Variants in ZWILCH observed in about 807,000 individuals in gnomAD.
ZWILCH encodes the protein protein zwilch homolog.
A neutral mutation model predicts 79.9 loss-of-function variants in ZWILCH; 74 were observed. The observed-to-expected ratio is 0.93, with a 90% confidence interval of 0.77 to 1.12. The LOEUF (loss-of-function observed/expected upper bound fraction) is 1.12. Ranked by LOEUF, ZWILCH falls within the 50% of genes most tolerant of loss-of-function variation. The pLI, the probability that ZWILCH is intolerant of heterozygous loss-of-function variation, is 0.00. For missense variants in ZWILCH, 694 were observed against 687.5 expected, an observed-to-expected ratio of 1.01 and a Z score of -0.11; for synonymous variants, 241 against 228.2, an observed-to-expected ratio of 1.06 and a Z score of -0.51.
chr15:66,548,396 C>T lies in ZWILCH; in HGVS notation c.*72C>T. 2 of 545,250 alleles carry T rather than the reference C, an allele frequency of 3.7e-6. No homozygotes were observed. The highest frequency in any genetic ancestry group is 6.5e-6 in the Non-Finnish European group (2 of 308,320). The allele number at this position is 545,250 out of a possible 1,614,324, so 33.8% of individuals were successfully genotyped here. On this transcript the variant is annotated 3_prime_UTR_variant, in exon 19 of 19. Coordinates refer to ENST00000307897, the MANE Select transcript of ZWILCH (RefSeq NM_017975.5). ...AGAAAAAAAGGTAATTATTGTAGAA[C>T]CTGAAAACAGCAATGTATGGAAACC... is the stretch of plus-strand genomic sequence containing the variant.
chr15:66,505,470 C>G (rs550621116), intron 1 of ZWILCH, 79 bp downstream of exon 1: 1,397 of 1,540,028 alleles, frequency 9.1e-4, no homozygotes, highest in Non-Finnish European at 1.2e-3. Context: ...CGCCCTAAGC[C>G]TCTTGCCACT....
At chr15:66,529,114 TAAGA>T (rs1894781575) in intron 11 of ZWILCH, among the ~76,000 whole-genome samples, 157 bp downstream of exon 11, 1 of 152,364 alleles carries the variant, frequency 6.6e-6, no homozygotes, top group East Asian at 1.9e-4. Context: ...GCATTCTGCT[TAAGA>T]ATTGTACTAA....
chr15:66,533,834 A>T (rs549502402), intron 14 of ZWILCH, among the ~76,000 whole-genome samples: 3 of 151,998 alleles, frequency 2.0e-5, no homozygotes, highest in Non-Finnish European at 4.4e-5. Flanking sequence ...GTTTAAAAAA[A>T]ATACGCTGGG....
chr15:66,536,038 T>A lies in ZWILCH; in HGVS notation c.1447T>A (p.Ser483Thr). Residue 483 changes from serine to threonine, a missense_variant, in exon 15 of 19, where the codon TCT (serine) becomes ACT (threonine). Ser to Thr is a moderately conservative substitution (Grantham distance 58). Coordinates refer to ENST00000307897, the MANE Select transcript of ZWILCH (RefSeq NM_017975.5). Reference sequence around the variant, plus strand: ...AGTCAGTTGCATGCCTTTCATTAAATCTCAACATGAACTCCTCTTTTCTTT... The same window carrying A: ...AGTCAGTTGCATGCCTTTCATTAAAACTCAACATGAACTCCTCTTTTCTTT... ...ILVSCMPFIK[S>T]QHELLFSLTQ... is the part of the protein sequence containing the mutation. The A allele has an allele frequency of 6.2e-7, 1 of 1,610,660 alleles. No homozygotes were observed.
chr15:66,515,496 C>A, intron 3 of ZWILCH, 30 bp from the exon 4 acceptor site: 1 of 1,412,128 alleles, frequency 7.1e-7, no homozygotes, highest in Non-Finnish European at 9.9e-7. Context: ...GCTCTTTTGT[C>A]TGGTTAAATA....
intron 4 of ZWILCH, among the ~76,000 whole-genome samples, chr15:66,517,605 G>T (rs1202984522): frequency 6.7e-6 from 1 of 149,170 alleles, no homozygotes; most frequent in East Asian, 2.0e-4. Context: ...TGAGAATCTG[G>T]AAATCTAACA....
intron 13 of ZWILCH, 23 bp from the exon 14 acceptor site, chr15:66,532,962 A>T: frequency 6.5e-7 from 1 of 1,531,066 alleles, no homozygotes; most frequent in Non-Finnish European, 8.8e-7. Context: ...GTGTTTTTGC[A>T]TGTATGTGTT....
At chr15:66,514,145 A>T in intron 3 of ZWILCH, 62 bp downstream of exon 3, 1 of 1,205,640 alleles carries the variant, frequency 8.3e-7, no homozygotes. Context: ...GTTTCTTGGG[A>T]ATAATCTAAC....
intron 2 of ZWILCH, among the ~76,000 whole-genome samples, chr15:66,513,260 T>C (rs1261566300): frequency 1.3e-5 from 2 of 151,910 alleles, no homozygotes; most frequent in Non-Finnish European, 2.9e-5. Flanking sequence ...AAACTTCCAG[T>C]TGGAATGAGA....
At chr15:66,507,197 C>T (rs1171113157) in intron 1 of ZWILCH, among the ~76,000 whole-genome samples, 2 of 152,152 alleles carry the variant, frequency 1.3e-5, no homozygotes, top group Admixed American at 6.5e-5. Flanking sequence ...GAAAGTATAA[C>T]ACTGTTTTTT....
chr15:66,505,966 G>T (rs1893800773), intron 1 of ZWILCH, among the ~76,000 whole-genome samples: 1 of 152,188 alleles, frequency 6.6e-6, no homozygotes, highest in Non-Finnish European at 1.5e-5. Context: ...CTAATCCATA[G>T]TTCTCAAATT....
At chr15:66,517,794 G>A (rs541886989) in intron 4 of ZWILCH, among the ~76,000 whole-genome samples, 3 of 128,290 alleles carry the variant, frequency 2.3e-5, no homozygotes, top group African/African-American at 9.2e-5. Context: ...GTGCAATGGC[G>A]TGATCTCGGC....
chr15:66,532,196 G>A, intron 12 of ZWILCH, 51 bp from the exon 13 acceptor site: 1 of 1,396,614 alleles, frequency 7.2e-7, no homozygotes, highest in Non-Finnish European at 9.6e-7. Flanking sequence ...TTACTTGTTG[G>A]GTTTATTTAT....
At position 66,521,176 on chromosome 15, in the gene ZWILCH, AT is replaced by A; in HGVS notation, c.719del (p.Ile240ThrfsTer10). The A allele has an allele frequency of 6.2e-7, 1 of 1,612,986 alleles. No individual in the cohort carries two copies. The highest frequency in any genetic ancestry group is 8.5e-7 in the Non-Finnish European group (1 of 1,180,000). ...SWSPVDEILQ[I>X]PPLSSTATLN... ...GAGTCCTGTGGATGAGATTCTTCAA[AT>A]CCCTCCACTCTCTTCAACTGCAACT... is the stretch of plus-strand genomic sequence containing the variant. On this transcript the variant is annotated frameshift_variant, in exon 7 of 19. Transcript: ENST00000307897. LOFTEE classifies it high-confidence loss of function.
intron 17 of ZWILCH, among the ~76,000 whole-genome samples, chr15:66,542,200 C>CA (rs1187204043): frequency 6.6e-6 from 1 of 152,128 alleles, no homozygotes; most frequent in Non-Finnish European, 1.5e-5. Context: ...CCTGTAATCC[C>CA]AGCACTTTGG....
chr15:66,550,026 A>G lies in ZWILCH; in HGVS notation c.*1702A>G. 4 of 1,558,430 alleles carry G rather than the reference A, an allele frequency of 2.6e-6. No individual in the cohort carries two copies. Among genetic ancestry groups the G allele is most frequent in the Non-Finnish European group, 3.5e-6 (4 of 1,149,618 alleles). Reference sequence around the variant, plus strand: ...TTTAATTATTAAAGGAAAACATTGAAATATACTGACTCACCTGCAGCAAGC... The same window carrying G: ...TTTAATTATTAAAGGAAAACATTGAGATATACTGACTCACCTGCAGCAAGC... On this transcript the variant is annotated 3_prime_UTR_variant, in exon 19 of 19. Coordinates refer to ENST00000307897, the MANE Select transcript of ZWILCH (RefSeq NM_017975.5).
At chr15:66,534,482 T>C (rs894129026) in intron 14 of ZWILCH, among the ~76,000 whole-genome samples, 5 of 152,174 alleles carry the variant, frequency 3.3e-5, no homozygotes, top group African/African-American at 1.2e-4. Flanking sequence ...ATTATTTTTT[T>C]AAATGTGTGA....
At chr15:66,513,264 A>G (rs1894136411) in intron 2 of ZWILCH, among the ~76,000 whole-genome samples, 1 of 151,762 alleles carries the variant, frequency 6.6e-6, no homozygotes, top group South Asian at 2.1e-4. Context: ...TTCCAGTTGG[A>G]ATGAGAATGT....
chr15:66,542,870 T>TA (rs1895237934), intron 17 of ZWILCH, among the ~76,000 whole-genome samples: 1 of 152,128 alleles, frequency 6.6e-6, no homozygotes, highest in Non-Finnish European at 1.5e-5. Flanking sequence ...TCACCTATAA[T>TA]AAGAGAAATG....
Sources: gnomAD v4.1 joint callset for allele counts (sites outside exome capture counted in the v4.1 genomes callset) on GRCh38, gnomAD v4.1.1 for gene constraint, MANE v1.5 for transcripts, NCBI Gene and HGNC (gene_info 2026-07-23, HGNC 2026-07-21) for gene names.